The following MYZAP variants were observed in gnomAD, a reference collection of about 807,000 sequenced individuals.
MYZAP encodes myocardial zonula adherens protein, also known as GRINL1A complex locus upstream.
In MYZAP, 66 loss-of-function variants were observed where a neutral mutation model predicts 69.4. The ratio of observed to expected loss-of-function variants is 0.95; its 90% CI spans 0.78 to 1.17. MYZAP has a LOEUF of 1.17. Among genes scored for constraint, MYZAP ranks in the 50% most tolerant of loss-of-function variants. The pLI, the probability that MYZAP is intolerant of heterozygous loss-of-function variation, is 0.00. For synonymous variants in MYZAP, 256 were observed against 205.9 expected, an observed-to-expected ratio of 1.24 and a Z score of -2.09; for missense variants, 611 against 556.2, an observed-to-expected ratio of 1.10 and a Z score of -0.99.
chr15:57,664,508 A>T (rs973037284), intron 11 of MYZAP, among the ~76,000 whole-genome samples: 12 of 152,190 alleles, frequency 7.9e-5, no homozygotes, highest in Admixed American at 3.3e-4. Flanking sequence ...ATGATAGCTA[A>T]TGCTGACACG....
rs946061796 is a variant in MYZAP, at chr15:57,685,328, A to C, written c.*830A>C. ...ACTTTGATATTATAACCTATGTCACATGTGTTTAATAAATACCATATATTT... is the reference window on the plus strand; with the variant it reads ...ACTTTGATATTATAACCTATGTCACCTGTGTTTAATAAATACCATATATTT... On this transcript the variant is annotated 3_prime_UTR_variant, in exon 13 of 13. Coordinates refer to ENST00000267853, the MANE Select transcript of MYZAP (RefSeq NM_001018100.5). The C allele has an allele frequency of 1.3e-5, 2 of 152,158 alleles. No homozygotes were observed. The highest frequency in any genetic ancestry group is 2.9e-5 in the Non-Finnish European group (2 of 68,030). The allele number at this position is 152,158 out of a possible 1,614,324, so 9.4% of individuals were successfully genotyped here. A position where few individuals can be genotyped will look rare whatever the true frequency, so the allele number is the denominator to read the frequency against.
chr15:57,629,803 G>T lies in MYZAP; in HGVS notation c.627G>T (p.Lys209Asn). ...CATCCATGGACAAGCTGAGGGAAAA[G>T]CAGAGGCAGTTGGAGGTAGCGCAAG... ...YEASMDKLREKQRQLEVAQVE... is the reference protein window; with the variant it reads ...YEASMDKLRENQRQLEVAQVE... Residue 209 changes from lysine to asparagine, a missense_variant, in exon 6 of 13, where the codon AAG (lysine) becomes AAT (asparagine). Physicochemically the swap from Lys to Asn is moderately conservative, Grantham distance 94. Coordinates refer to ENST00000267853, the MANE Select transcript of MYZAP (RefSeq NM_001018100.5). 6.2e-7 allele frequency: 1 copy of T among 1,614,044 alleles called. No homozygotes were observed. Among genetic ancestry groups the T allele is most frequent in the Non-Finnish European group, 8.5e-7 (1 of 1,179,986 alleles).
At chr15:57,606,816 A>G (rs1040410065) in intron 2 of MYZAP, among the ~76,000 whole-genome samples, 2 of 152,174 alleles carry the variant, frequency 1.3e-5, no homozygotes, top group Non-Finnish European at 2.9e-5. Flanking sequence ...ATAAATGTTA[A>G]TTTTCTTGTG....
intron 10 of MYZAP, chr15:57,646,670 G>A (rs2037462443): frequency 1.1e-5 from 11 of 990,150 alleles, no homozygotes; most frequent in Non-Finnish European, 1.2e-5. Flanking sequence ...GAGCAGCCAG[G>A]TATCCATGTG....
intron 2 of MYZAP, among the ~76,000 whole-genome samples, chr15:57,604,964 T>G (rs764433939): frequency 1.3e-5 from 2 of 152,178 alleles, no homozygotes; most frequent in African/African-American, 4.8e-5. Flanking sequence ...GGTGTTAAGA[T>G]CCAGCCCTAT....
chr15:57,646,809 T>C, intron 10 of MYZAP: 5 of 985,506 alleles, frequency 5.1e-6, no homozygotes, highest in East Asian at 1.1e-4. Flanking sequence ...TTTGCCTGAA[T>C]TGGTTCAACC....
chr15:57,602,213 C>T (rs2034460037), intron 1 of MYZAP, among the ~76,000 whole-genome samples: 1 of 152,068 alleles, frequency 6.6e-6, no homozygotes, highest in African/African-American at 2.4e-5. Context: ...GATTTGTTTG[C>T]TAGGGCTGCC....
At chr15:57,596,511 T>A (rs552952923) in intron 1 of MYZAP, among the ~76,000 whole-genome samples, 1 of 152,350 alleles carries the variant, frequency 6.6e-6, no homozygotes, top group Non-Finnish European at 1.5e-5. Flanking sequence ...GGTGTTTACC[T>A]CTTTCCCTCT....
intron 1 of MYZAP, among the ~76,000 whole-genome samples, chr15:57,598,350 T>C (rs537489888): frequency 1.3e-5 from 2 of 152,108 alleles, no homozygotes; most frequent in Admixed American, 1.3e-4. Flanking sequence ...CCCAGGGGGG[T>C]TGGTTTCAAG....
rs531394169 is a variant in MYZAP at position 57,665,871 on chromosome 15, C to T, written c.1203+4338C>T. On this transcript the variant is annotated intron_variant, in intron 11 of 12. Coordinates refer to ENST00000267853, the MANE Select transcript of MYZAP (RefSeq NM_001018100.5). Reference sequence around the variant, plus strand: ...GCACCATTAGTGTTATGTAACTCTGCAGTTATACCTAAGGGCTTTGTGTTT... The same window carrying T: ...GCACCATTAGTGTTATGTAACTCTGTAGTTATACCTAAGGGCTTTGTGTTT... Among the ~76,000 whole-genome samples the T allele has an allele frequency of 2.6e-5, 4 of 152,284 alleles. No individual in the cohort carries two copies. In the South Asian group the frequency reaches 8.3e-4, roughly 32 times the overall value.
chr15:57,646,142 G>C, intron 10 of MYZAP: 1 of 1,289,312 alleles, frequency 7.8e-7, no homozygotes. Context: ...TCCAGATCAT[G>C]TCGCACGAGC....
chr15:57,617,875 A>G (rs1294061378), intron 2 of MYZAP, among the ~76,000 whole-genome samples, 158 bp from the exon 3 acceptor site: 3 of 152,204 alleles, frequency 2.0e-5, no homozygotes, highest in Non-Finnish European at 2.9e-5. Context: ...ACCTTGGTGA[A>G]CAGAGACTAG....
chr15:57,602,689 G>T (rs1567199916), intron 1 of MYZAP, among the ~76,000 whole-genome samples: 1 of 152,178 alleles, frequency 6.6e-6, no homozygotes, highest in Non-Finnish European at 1.5e-5. Flanking sequence ...GAGTATAAGA[G>T]CTAAGAAAGT....
chr15:57,645,749 C>T (rs2037410490), intron 10 of MYZAP, among the ~76,000 whole-genome samples: 1 of 152,306 alleles, frequency 6.6e-6, no homozygotes, highest in Non-Finnish European at 1.5e-5. Context: ...TGCCCTTTAT[C>T]TTTCCCTTTG....
intron 8 of MYZAP, among the ~76,000 whole-genome samples, chr15:57,636,875 A>G (rs1290700441): frequency 6.6e-6 from 1 of 152,160 alleles, no homozygotes; most frequent in Non-Finnish European, 1.5e-5. Context: ...AACAACACAA[A>G]TGTATTATGT....
intron 10 of MYZAP, among the ~76,000 whole-genome samples, chr15:57,651,823 A>C (rs890060595): frequency 5.8e-4 from 89 of 152,146 alleles, no homozygotes; most frequent in Non-Finnish European, 1.2e-4. Context: ...ATTGGGAAGC[A>C]GTTTAACCGT....
intron 11 of MYZAP, among the ~76,000 whole-genome samples, chr15:57,664,759 A>G (rs1487409663): frequency 6.6e-6 from 1 of 152,206 alleles, no homozygotes; most frequent in African/African-American, 2.4e-5. Flanking sequence ...GAAGAGTGCA[A>G]TTGCAGACTC....
intron 1 of MYZAP, 143 bp downstream of exon 1, chr15:57,592,252 C>A: frequency 1.3e-6 from 1 of 752,848 alleles, no homozygotes; most frequent in Non-Finnish European, 1.8e-6. Flanking sequence ...GGTCCTGTGC[C>A]GGCTCTGGCA....
chr15:57,631,160 T>C (rs1178050641), intron 6 of MYZAP, among the ~76,000 whole-genome samples: 1 of 144,996 alleles, frequency 6.9e-6, no homozygotes, highest in Non-Finnish European at 1.5e-5. Flanking sequence ...TAAAAAAGCC[T>C]GAAATTACTG....
Sources: allele counts gnomAD v4.1 joint callset (sites outside exome capture counted in the v4.1 genomes callset), GRCh38; gene constraint gnomAD v4.1.1; transcripts MANE v1.5; gene names NCBI Gene and HGNC (gene_info 2026-07-23, HGNC 2026-07-21).